Variants in SPATA33 observed in about 807,000 individuals in gnomAD.
SPATA33 encodes spermatogenesis associated 33, also known as spermatogenesis-associated protein 33.
In SPATA33, 10 loss-of-function variants were observed where a neutral mutation model predicts 8.9. The observed-to-expected ratio is 1.12, with a 90% CI of 0.69 to 1.90. The LOEUF is 1.90. Among genes scored for constraint, SPATA33 ranks in the 40% most tolerant of loss-of-function variants. The pLI, the probability that SPATA33 is intolerant of heterozygous loss-of-function variation, is 0.00. For missense variants in SPATA33, 241 were observed against 178.3 expected (o/e 1.35, Z -2.00); for synonymous variants, 96 against 72.8 (o/e 1.32, Z -1.63).
intron 2 of SPATA33, among the ~76,000 whole-genome samples, chr16:89,667,502 G>T (rs2060042226): frequency 6.6e-6 from 1 of 152,046 alleles, no homozygotes; most frequent in South Asian, 2.1e-4. Context: ...TCTTGCCTCG[G>T]CACCTGGGTG....
chr16:89,665,407 C>A (rs1203731008), intron 2 of SPATA33, among the ~76,000 whole-genome samples: 1 of 152,058 alleles, frequency 6.6e-6, no homozygotes, highest in African/African-American at 2.4e-5. Context: ...CGGGTTCATG[C>A]CATTCTCCTG....
At chr16:89,658,131 G>C in intron 1 of SPATA33, 117 bp from the exon 2 acceptor site, 3 of 1,529,556 alleles carry the variant, frequency 2.0e-6, no homozygotes, top group Non-Finnish European at 2.6e-6. Context: ...CGGAAACGCG[G>C]AGACTCGAGA....
chr16:89,658,377 G>A lies in SPATA33; in HGVS notation c.167G>A (p.Gly56Glu), dbSNP rs748371197. 5 of 1,613,084 alleles carry A rather than the reference G, an allele frequency of 3.1e-6. No individual in the cohort carries two copies. The highest frequency in any genetic ancestry group is 3.4e-4 in the Middle Eastern group (2 of 5,866). ...SEKPVDSLHP[G>E]AGTAKHPPPA... ...AAGCCTGTGGACAGCCTCCACCCGG[G>A]GGCCGGGACAGCCAAGCACCCGCCG... The change falls in exon 2 of 3, where the codon GGG becomes GAG. Residue 56 changes from glycine to glutamate, a missense_variant. Gly to Glu is a moderately conservative substitution (Grantham distance 98). Transcript: ENST00000579310.
At chr16:89,667,401 T>C (rs999954710) in intron 2 of SPATA33, among the ~76,000 whole-genome samples, 1 of 152,206 alleles carries the variant, frequency 6.6e-6, no homozygotes, top group African/African-American at 2.4e-5. Context: ...ATTAATGATA[T>C]TCATATATAA....
chr16:89,661,993 C>T (rs1049026869), intron 2 of SPATA33, among the ~76,000 whole-genome samples: 1 of 152,048 alleles, frequency 6.6e-6, no homozygotes. Context: ...GTCTGAAATT[C>T]CTTAAAGATA....
intron 2 of SPATA33, among the ~76,000 whole-genome samples, chr16:89,665,637 A>G (rs996449158): frequency 6.6e-6 from 1 of 152,180 alleles, no homozygotes; most frequent in Non-Finnish European, 1.5e-5. Flanking sequence ...TGAAGAAACT[A>G]TACTTTGAGG....
Position 89,658,338 on chromosome 16 carries a change from A to T in SPATA33, c.128A>T (p.Asp43Val). 1 of 1,613,996 alleles carries T rather than the reference A, an allele frequency of 6.2e-7. No homozygotes were observed. Among genetic ancestry groups the T allele is most frequent in the South Asian group, 1.1e-5 (1 of 91,088 alleles). ...CATTCCCAGGAAGCCAGGCAGGCAG[A>T]CAGGGAGTCGGAGAAGCCTGTGGAC... is the stretch of plus-strand genomic sequence containing the variant. ...EKHSQEARQA[D>V]RESEKPVDSL... is the part of the protein sequence containing the mutation. The change falls in exon 2 of 3, where the codon GAC becomes GTC. Residue 43 changes from aspartate to valine, a missense_variant. By Grantham distance (152) the Asp-to-Val change is radical (BLOSUM62 -3). Coordinates refer to ENST00000579310, the MANE Select transcript of SPATA33 (RefSeq NM_001271907.2).
At chr16:89,664,976 A>C (rs1324143366) in intron 2 of SPATA33, among the ~76,000 whole-genome samples, 1 of 152,220 alleles carries the variant, frequency 6.6e-6, no homozygotes, top group Non-Finnish European at 1.5e-5. Flanking sequence ...CACAATATGT[A>C]CCAAGAACCT....
At chr16:89,668,804 T>C (rs1231581460) in intron 2 of SPATA33, among the ~76,000 whole-genome samples, 1 of 152,232 alleles carries the variant, frequency 6.6e-6, no homozygotes, top group East Asian at 1.9e-4. Flanking sequence ...GTTTCACAGG[T>C]CTCAGGCGTT....
At chr16:89,659,027 G>A (rs1327917020) in intron 2 of SPATA33, 1 of 152,994 alleles carries the variant, frequency 6.5e-6, no homozygotes, top group African/African-American at 2.4e-5. Context: ...GTGCTGCCTG[G>A]GGCGGTAGTT....
In SPATA33 at chr16:89,657,929, C is replaced by A. The variant is rs1388810127; in HGVS notation, c.18C>A (p.Ser6Arg). The A allele has an allele frequency of 6.6e-7, 1 of 1,518,330 alleles. No individual in the cohort carries two copies. The highest frequency in any genetic ancestry group is 2.0e-5 in the Admixed American group (1 of 49,526). 94.1% of individuals were successfully genotyped at this position (1,518,330 alleles called of 1,614,324 possible). The change falls in exon 1 of 3, where the codon AGC (serine) becomes AGA (arginine). Residue 6 changes from serine (S) to arginine (R), a missense_variant. Physicochemically the swap from Ser to Arg is moderately radical, Grantham distance 110 (BLOSUM62 -1). Coordinates refer to ENST00000579310, the MANE Select transcript of SPATA33 (RefSeq NM_001271907.2). MGLSK[S>R]KEKPRKGEEQ... ...GCTCACCCATGGGCCTTTCCAAAAG[C>A]AAAGAGAAACCCAGGAAAGGTAAAG...
intron 2 of SPATA33, chr16:89,659,214 A>C (rs1004394226): frequency 1.3e-5 from 2 of 152,308 alleles, no homozygotes; most frequent in African/African-American, 4.8e-5. Context: ...GCCAGTTCGC[A>C]GGGGAGGTGG....
chr16:89,660,194 G>T, intron 2 of SPATA33: 1 of 238,002 alleles, frequency 4.2e-6, no homozygotes. Flanking sequence ...TGAGTGTACA[G>T]CCCCCCACAC....
At chr16:89,666,917 G>A (rs536814438) in intron 2 of SPATA33, among the ~76,000 whole-genome samples, 19 of 152,334 alleles carry the variant, frequency 1.2e-4, no homozygotes, top group Admixed American at 5.2e-4. Flanking sequence ...CTATCTAAAA[G>A]GCAGAGCCAG....
At chr16:89,668,098 G>T (rs562941298) in intron 2 of SPATA33, 1 of 152,448 alleles carries the variant, frequency 6.6e-6, no homozygotes, top group African/African-American at 2.4e-5. Flanking sequence ...GATCACCTGA[G>T]GTCGGGAGTT....
Position 89,664,527 on chromosome 16 carries a change from G to C in SPATA33, c.212-4759G>C, listed in dbSNP as rs535699921. The stretch of plus-strand genomic sequence containing the variant: ...TCCTGGATGGGCCCGACCTGATCAG[G>C]GAAGCCAGACAGTAAAAGTGTCAGA... On this transcript the variant is annotated intron_variant, in intron 2 of 2. Transcript: ENST00000579310. Among the ~76,000 whole-genome samples, 17 of 152,202 alleles carry C rather than the reference G, an allele frequency of 1.1e-4. 1 individual carries two copies. The South Asian group carries it at 2.9e-3, about 26-fold the overall frequency.
chr16:89,659,620 G>C (rs970420723), intron 2 of SPATA33: 3 of 152,210 alleles, frequency 2.0e-5, no homozygotes, highest in Non-Finnish European at 4.4e-5. Context: ...CCGGGAGGCA[G>C]AAGTAGTGGT....
At chr16:89,658,623 T>C (rs2059919920) in intron 2 of SPATA33, 4 of 717,488 alleles carry the variant, frequency 5.6e-6, no homozygotes, top group Non-Finnish European at 8.9e-6. Flanking sequence ...TTAATGAAAA[T>C]GTAGGTCAGT....
Position 89,669,550 on chromosome 16 carries a change from C to CGGCT in SPATA33, c.*53_*54insGGCT. On this transcript the variant is annotated 3_prime_UTR_variant, in exon 3 of 3. Coordinates refer to ENST00000579310, the MANE Select transcript of SPATA33 (RefSeq NM_001271907.2). ...CTCCCTGCGATAGGCGTCTCGGGAA[C>CGGCT]AGCCGCCTCACCCTGTGAGAAGCCG... The CGGCT allele has an allele frequency of 6.4e-7, 1 of 1,565,604 alleles. No individual in the cohort carries two copies. The highest frequency in any genetic ancestry group is 8.7e-7 in the Non-Finnish European group (1 of 1,145,292).
Sources: gnomAD v4.1 joint callset for allele counts (sites outside exome capture counted in the v4.1 genomes callset) on GRCh38, gnomAD v4.1.1 for gene constraint, MANE v1.5 for transcripts, NCBI Gene and HGNC (gene_info 2026-07-23, HGNC 2026-07-21) for gene names.